AP1G1: variants seen among roughly 807,000 people sequenced by gnomAD.
AP1G1 encodes AP-1 complex subunit gamma-1.
A neutral mutation model predicts 108.3 loss-of-function variants in AP1G1; 7 were observed. The ratio of observed to expected loss-of-function variants is 0.06; its 90% confidence interval spans 0.04 to 0.12. The LOEUF (loss-of-function observed/expected upper bound fraction) is 0.12, where lower values mean the gene tolerates loss of function less well. Among genes scored for constraint, AP1G1 ranks in the 10% least tolerant of loss-of-function variants. The pLI, the probability that AP1G1 is intolerant of heterozygous loss-of-function variation, is 1.00. For synonymous variants in AP1G1, 379 were observed against 353.5 expected (o/e 1.07, Z -0.81); for missense variants, 756 against 1,010.7 (o/e 0.75, Z 3.42).
At chr16:71,778,466 T>C (rs2031873775) in intron 2 of AP1G1, among the ~76,000 whole-genome samples, 1 of 152,086 alleles carries the variant, frequency 6.6e-6, no homozygotes, top group African/African-American at 2.4e-5. Flanking sequence ...GTGGACTGCC[T>C]GAGCTCAGGA....
rs748450486 is a variant in AP1G1, at chr16:71,789,258, T to C, written c.201+21A>G. On this transcript the variant is annotated intron_variant, in intron 2 of 22. Transcript: ENST00000299980. ...AATGTCAAAGAATACCCTTGCTACATGTAGTCTCAGCCCAGCCTACCTGTC... is the reference window on the plus strand; with the variant it reads ...AATGTCAAAGAATACCCTTGCTACACGTAGTCTCAGCCCAGCCTACCTGTC... The C allele has an allele frequency of 7.5e-6, 12 of 1,602,174 alleles. No homozygotes were observed. In the East Asian group the frequency reaches 2.5e-4, roughly 33 times the overall value.
intron 19 of AP1G1, 147 bp from the exon 20 acceptor site, chr16:71,739,488 T>G: frequency 1.6e-6 from 1 of 607,598 alleles, no homozygotes; most frequent in Non-Finnish European, 2.8e-6. Context: ...GAGAAAGAAC[T>G]AAAAACTCAA....
chr16:71,740,382 G>A (rs904707308), intron 19 of AP1G1, among the ~76,000 whole-genome samples: 5 of 152,122 alleles, frequency 3.3e-5, no homozygotes, highest in African/African-American at 4.8e-5. Flanking sequence ...GTTGAGAACC[G>A]ATTACCCCTT....
At chr16:71,754,128 C>T (rs1016649352) in intron 12 of AP1G1, among the ~76,000 whole-genome samples, 1 of 151,744 alleles carries the variant, frequency 6.6e-6, no homozygotes, top group Non-Finnish European at 1.5e-5. Flanking sequence ...AGTTCAGCTA[C>T]TCTGGGAGGT....
intron 1 of AP1G1, among the ~76,000 whole-genome samples, chr16:71,790,527 CA>C (rs56380847): frequency 0.013 from 1,327 of 104,774 alleles, 7 homozygotes; most frequent in South Asian, 0.031. Context: ...AACTCCATCT[CA>C]AAAAAAAAAA....
chr16:71,736,794 C>T (rs200857884), intron 21 of AP1G1, among the ~76,000 whole-genome samples: 3 of 146,694 alleles, frequency 2.0e-5, no homozygotes, highest in East Asian at 4.0e-4. Flanking sequence ...GGGGTTTCAC[C>T]GTGTTAGCCA....
At chr16:71,743,724 G>C (rs370809734) in intron 19 of AP1G1, 1 of 152,316 alleles carries the variant, frequency 6.6e-6, no homozygotes, top group East Asian at 1.9e-4. Context: ...GGGAGGCTGA[G>C]GTGGGTGGAT....
chr16:71,750,879 G>A (rs547995492), intron 13 of AP1G1, among the ~76,000 whole-genome samples: 22 of 151,438 alleles, frequency 1.5e-4, no homozygotes, highest in African/African-American at 4.8e-4. Flanking sequence ...TCCAAAGGCC[G>A]GGTGTGGTGG....
At chr16:71,791,763 CT>C (rs34099153) in intron 1 of AP1G1, among the ~76,000 whole-genome samples, 4,361 of 113,262 alleles carry the variant, frequency 0.039, 198 homozygotes, top group African/African-American at 0.13. Flanking sequence ...TAAACTCTGA[CT>C]TTTTTTTTTT....
At chr16:71,775,681 T>A (rs1409818625) in intron 2 of AP1G1, among the ~76,000 whole-genome samples, 1 of 152,080 alleles carries the variant, frequency 6.6e-6, no homozygotes, top group Admixed American at 6.6e-5. Flanking sequence ...AGAGAGGCAA[T>A]AACTAAGTTT....
At chr16:71,758,688 T>A in intron 11 of AP1G1, 120 bp downstream of exon 11, 1 of 641,318 alleles carries the variant, frequency 1.6e-6, no homozygotes, top group Non-Finnish European at 2.8e-6. Flanking sequence ...ACTAAATACA[T>A]AAATGTCAAC....
intron 4 of AP1G1, 79 bp downstream of exon 4, chr16:71,773,142 T>G: frequency 6.6e-7 from 1 of 1,503,818 alleles, no homozygotes; most frequent in Non-Finnish European, 9.2e-7. Flanking sequence ...TCATCAGATC[T>G]TTCAAAAATG....
At chr16:71,734,437 T>C (rs2045508004) in intron 22 of AP1G1, 172 bp downstream of exon 22, 1 of 585,266 alleles carries the variant, frequency 1.7e-6, no homozygotes, top group African/African-American at 1.9e-5. Context: ...CCACCTGATG[T>C]CTCTGGGTTC....
intron 5 of AP1G1, 85 bp from the exon 6 acceptor site, chr16:71,769,784 T>C: frequency 8.8e-7 from 1 of 1,131,108 alleles, no homozygotes; most frequent in East Asian, 2.4e-5. Context: ...TGAAGGTCAA[T>C]TCCAAAAGGA....
At chr16:71,749,687 C>T (rs1445901082) in intron 15 of AP1G1, among the ~76,000 whole-genome samples, 1 of 152,030 alleles carries the variant, frequency 6.6e-6, no homozygotes, top group Admixed American at 6.6e-5. Flanking sequence ...GACAGAGTTT[C>T]ACCATGTTGC....
At chr16:71,763,521 T>C (rs2031190562) in intron 9 of AP1G1, among the ~76,000 whole-genome samples, 1 of 152,182 alleles carries the variant, frequency 6.6e-6, no homozygotes, top group South Asian at 2.1e-4. Context: ...TTATATATAT[T>C]TTATCACAAT....
intron 12 of AP1G1, 78 bp from the exon 13 acceptor site, chr16:71,753,965 C>A: frequency 7.4e-7 from 1 of 1,357,670 alleles, no homozygotes; most frequent in South Asian, 1.2e-5. Context: ...CCTGCCCAAG[C>A]AGGGTGACTC....
At chr16:71,765,979 T>G (rs1445375994) in intron 6 of AP1G1, among the ~76,000 whole-genome samples, 1 of 152,220 alleles carries the variant, frequency 6.6e-6, no homozygotes, top group African/African-American at 2.4e-5. Context: ...AACATTTGCA[T>G]GTAACATGTC....
At chr16:71,792,179 T>C (rs1308492909) in intron 1 of AP1G1, among the ~76,000 whole-genome samples, 2 of 151,966 alleles carry the variant, frequency 1.3e-5, no homozygotes, top group Non-Finnish European at 2.9e-5. Context: ...TAAAATAAGG[T>C]TCTATTAATC....
Sources: gnomAD v4.1 joint callset for allele counts (sites outside exome capture counted in the v4.1 genomes callset) on GRCh38, gnomAD v4.1.1 for gene constraint, MANE v1.5 for transcripts, NCBI Gene and HGNC (gene_info 2026-07-23, HGNC 2026-07-21) for gene names.